The following RASA3 variants were observed in gnomAD, a reference collection of about 807,000 sequenced individuals.
The protein encoded by RASA3 is RAS p21 protein activator 3, also known as ras GTPase-activating protein 3.
In RASA3, 73 loss-of-function variants were observed where a neutral mutation model predicts 110.0. That is an observed-to-expected ratio of 0.66 (90% CI 0.55 to 0.81). RASA3 has a LOEUF of 0.81. Among genes scored for constraint, RASA3 ranks in the 30% least tolerant of loss-of-function variants. The probability of loss-of-function intolerance (pLI) is 0.00; values close to 1 mark genes in which losing one functional copy is unlikely to be tolerated. For missense variants in RASA3, 976 were observed against 1,113.2 expected (o/e 0.88, Z 1.75); for synonymous variants, 500 against 451.4 (o/e 1.11, Z -1.37).
intron 2 of RASA3, among the ~76,000 whole-genome samples, chr13:114,055,438 C>G (rs941036264): frequency 6.6e-6 from 1 of 152,264 alleles, no homozygotes; most frequent in Non-Finnish European, 1.5e-5. Flanking sequence ...CCTGGAGAAG[C>G]TTGGTGCTCT....
At chr13:114,019,866 C>A (rs1406346568) in intron 9 of RASA3, among the ~76,000 whole-genome samples, 2 of 67,790 alleles carry the variant, frequency 3.0e-5, no homozygotes, top group Non-Finnish European at 2.8e-5. Context: ...AGGCATTAGC[C>A]CCCCTCAGGT....
chr13:114,037,607 T>C (rs182918066), intron 4 of RASA3, among the ~76,000 whole-genome samples: 4 of 152,310 alleles, frequency 2.6e-5, no homozygotes, highest in Non-Finnish European at 5.9e-5. Flanking sequence ...GGTTATACAA[T>C]ATTATGAATA....
chr13:114,003,602 T>C (rs1326685003), intron 18 of RASA3, among the ~76,000 whole-genome samples: 1 of 152,244 alleles, frequency 6.6e-6, no homozygotes, highest in African/African-American at 2.4e-5. Flanking sequence ...AATAACTCTT[T>C]GTTAAGCTCT....
chr13:114,069,533 G>A (rs1260651549), intron 2 of RASA3, among the ~76,000 whole-genome samples: 1 of 46,628 alleles, frequency 2.1e-5, no homozygotes, highest in African/African-American at 9.4e-5. Context: ...CAGGGGCCAG[G>A]AGACTCAGGG....
intron 10 of RASA3, among the ~76,000 whole-genome samples, chr13:114,018,527 C>A (rs74116430): frequency 0.01 from 1,588 of 152,308 alleles, 31 homozygotes; most frequent in African/African-American, 0.036. Context: ...GGGTCCCCCT[C>A]GAACAACCCG....
rs1357103604 is a variant in RASA3, at chr13:113,996,518, G to A, written c.2141+13C>T. On this transcript the variant is annotated intron_variant, in intron 21 of 23. Transcript: ENST00000334062. ...GCACAGTGCACGAGCTGGGCACCGAGGCACAGACCTACCCAGTGCAGGGCG... is the reference window on the plus strand; with the variant it reads ...GCACAGTGCACGAGCTGGGCACCGAAGCACAGACCTACCCAGTGCAGGGCG... 6.2e-7 allele frequency: 1 copy of A among 1,609,606 alleles called. No homozygotes were observed. Among genetic ancestry groups the A allele is most frequent in the Non-Finnish European group, 8.5e-7 (1 of 1,178,380 alleles).
At chr13:114,075,673 C>T (rs11841473) in intron 1 of RASA3, among the ~76,000 whole-genome samples, 1 of 47,038 alleles carries the variant, frequency 2.1e-5, no homozygotes, top group Non-Finnish European at 3.4e-5. Context: ...CTCCCGTGTC[C>T]GCACCGCGTA....
rs1329347739 is a variant in RASA3 at position 114,112,814 on chromosome 13, C to T, written c.55+19621G>A. On this transcript the variant is annotated intron_variant, in intron 1 of 23. Transcript: ENST00000334062. This position sits in a 1 kb window ranked among gnomAD's most constrained non-coding sequence, Gnocchi z 4.8. ...TGAGGCAGAGGCACCGCTGTGGGCTCATCTCTCAGCTCAAAGGGTTTCCAA... is the reference window on the plus strand; with the variant it reads ...TGAGGCAGAGGCACCGCTGTGGGCTTATCTCTCAGCTCAAAGGGTTTCCAA... Among the ~76,000 whole-genome samples, 2 of 152,074 alleles carry T rather than the reference C, an allele frequency of 1.3e-5. No individual in the cohort carries two copies. Among genetic ancestry groups the T allele is most frequent in the East Asian group, 1.9e-4 (1 of 5,160 alleles).
intron 1 of RASA3, among the ~76,000 whole-genome samples, chr13:114,080,327 G>A (rs183663292): frequency 6.6e-6 from 1 of 152,300 alleles, no homozygotes; most frequent in African/African-American, 2.4e-5. Context: ...TGTGGGCGGT[G>A]GAAGGAGGAG....
chr13:114,012,670 CA>C (rs2053663271), intron 15 of RASA3, among the ~76,000 whole-genome samples: 2 of 106,956 alleles, frequency 1.9e-5, no homozygotes, highest in Non-Finnish European at 4.7e-5. Context: ...CCACACTCCC[CA>C]CACACTGTCC....
intron 1 of RASA3, among the ~76,000 whole-genome samples, chr13:114,100,323 C>A (rs941342212): frequency 3.9e-5 from 6 of 152,112 alleles, no homozygotes; most frequent in Non-Finnish European, 1.5e-5. Flanking sequence ...AGAGCTTCGG[C>A]CATGGGGTGC....
In RASA3 at chr13:114,029,521, C is replaced by T. The variant is rs868861530; in HGVS notation, c.449+290G>A. On this transcript the variant is annotated intron_variant, in intron 5 of 23. Transcript: ENST00000334062. ...ATCCTGGGGGCCAGGACCTCTAAAACGGCGTCATCCTGGGGGCCAGGACCT... is the reference window on the plus strand; with the variant it reads ...ATCCTGGGGGCCAGGACCTCTAAAATGGCGTCATCCTGGGGGCCAGGACCT... Among the ~76,000 whole-genome samples, 28 of 125,516 alleles carry T rather than the reference C, an allele frequency of 2.2e-4. 1 individual carries two copies. The highest frequency in any genetic ancestry group is 5.5e-4 in the African/African-American group (17 of 31,010). The allele number at this position is 125,516 out of a possible 152,430, so 82.3% of individuals were successfully genotyped here. A position where few individuals can be genotyped will look rare whatever the true frequency, so the allele number is the denominator to read the frequency against.
At chr13:114,122,519 G>A (rs1268019383) in intron 1 of RASA3, among the ~76,000 whole-genome samples, 3 of 152,294 alleles carry the variant, frequency 2.0e-5, no homozygotes, top group South Asian at 2.1e-4. Flanking sequence ...GCTTGGGGCC[G>A]AACCACCCCC....
rs118059927 is a variant in RASA3, at chr13:113,997,878, C to T, written c.1933-1139G>A. ...TCTTATTTACAGAGGCCAGGAGCCT[C>T]CCGCCTTGCACCCGGCACATGTGTA... On this transcript the variant is annotated intron_variant, in intron 20 of 23. Transcript: ENST00000334062. Among the ~76,000 whole-genome samples the T allele has an allele frequency of 5.8e-3, 876 of 152,272 alleles. 23 individuals are homozygous for T. The highest frequency in any genetic ancestry group is 0.056 in the East Asian group (292 of 5,170).
At chr13:114,019,142 A>G (rs980077690) in intron 9 of RASA3, among the ~76,000 whole-genome samples, 1 of 151,408 alleles carries the variant, frequency 6.6e-6, no homozygotes, top group African/African-American at 2.4e-5. Context: ...CGCAGGAGTC[A>G]AGGGGGGAAA....
intron 20 of RASA3, 40 bp downstream of exon 20, chr13:113,999,545 G>A: frequency 6.5e-7 from 1 of 1,547,732 alleles, no homozygotes; most frequent in East Asian, 2.2e-5. Flanking sequence ...ACCTGGCCAG[G>A]CCTCAACCCG....
At chr13:114,062,674 C>T (rs527652131) in intron 2 of RASA3, among the ~76,000 whole-genome samples, 11 of 152,178 alleles carry the variant, frequency 7.2e-5, no homozygotes, top group African/African-American at 1.9e-4. Flanking sequence ...AGCCCACGTC[C>T]GCATGCAGAC....
chr13:114,117,613 GA>G (rs768123564), intron 1 of RASA3, among the ~76,000 whole-genome samples: 1 of 141,282 alleles, frequency 7.1e-6, no homozygotes, highest in Admixed American at 7.0e-5. Flanking sequence ...GCACGTGTGT[GA>G]GGGGTGCACG....
At chr13:114,039,759 C>T (rs113477455) in intron 4 of RASA3, among the ~76,000 whole-genome samples, 19 of 152,348 alleles carry the variant, frequency 1.2e-4, no homozygotes, top group African/African-American at 4.3e-4. Context: ...CCGTGAGCAG[C>T]TGTGAACACA....
Sources: gnomAD v4.1 joint callset for allele counts (sites outside exome capture counted in the v4.1 genomes callset) on GRCh38, gnomAD v4.1.1 for gene constraint, Gnocchi (gnomAD v3.1) non-coding constraint, MANE v1.5 for transcripts, NCBI Gene and HGNC (gene_info 2026-07-23, HGNC 2026-07-21) for gene names.